ESRRG: variants seen among roughly 807,000 people sequenced by gnomAD.
ESRRG encodes the protein estrogen-related receptor gamma.
A neutral mutation model predicts 44.0 loss-of-function variants in ESRRG; 13 were observed. The observed-to-expected ratio is 0.30, with a 90% CI of 0.19 to 0.47. The LOEUF is 0.47. ESRRG is among the 20% of genes least tolerant of loss of function. The pLI, the probability that ESRRG is intolerant of heterozygous loss-of-function variation, is 1.00. For synonymous variants in ESRRG, 215 were observed against 214.6 expected (o/e 1.00, Z -0.02); for missense variants, 395 against 580.6 (o/e 0.68, Z 3.29).
upstream of ESRRG, among the ~76,000 whole-genome samples, chr1:216,726,190 C>T (rs977661133): frequency 6.6e-6 from 1 of 152,116 alleles, no homozygotes; most frequent in Admixed American, 6.5e-5. Flanking sequence ...TCACTGAACT[C>T]GCTGCTTTCT....
In ESRRG at chr1:216,831,268, T is replaced by C. The variant is rs182751712; in HGVS notation, c.-14+108314A>G. ...AGCACCGATCAACTGTTAATTAAAA[T>C]AAAATGAAGCTTCTTAAACTTCATC... On this transcript the variant is annotated intron_variant, in intron 2 of 7. Coordinates refer to the ESRRG transcript ENST00000359162. Among the ~76,000 whole-genome samples, 5 of 152,236 alleles carry C rather than the reference T, an allele frequency of 3.3e-5. No individual in the cohort carries two copies. The East Asian group carries it at 9.7e-4, about 29-fold the overall frequency.
intron 2 of ESRRG, among the ~76,000 whole-genome samples, chr1:216,730,053 A>G (rs951794739): frequency 6.6e-6 from 1 of 152,154 alleles, no homozygotes; most frequent in Non-Finnish European, 1.5e-5. Flanking sequence ...AACCCAGGTT[A>G]CATACCTAGG....
intron 1 of ESRRG, among the ~76,000 whole-genome samples, chr1:217,026,059 A>C (rs1314482236): frequency 6.6e-6 from 1 of 152,202 alleles, no homozygotes; most frequent in Non-Finnish European, 1.5e-5. Flanking sequence ...TTATCCACTG[A>C]GGTCACCCGT....
At chr1:216,845,114 C>T (rs2095720328) in intron 2 of ESRRG, among the ~76,000 whole-genome samples, 1 of 152,070 alleles carries the variant, frequency 6.6e-6, no homozygotes, top group African/African-American at 2.4e-5. Context: ...ATCTGAAATA[C>T]CAATGTACGT....
chr1:216,830,611 G>A (rs1431466360), intron 2 of ESRRG, among the ~76,000 whole-genome samples: 1 of 152,120 alleles, frequency 6.6e-6, no homozygotes, highest in African/African-American at 2.4e-5. Flanking sequence ...GTTGTAAGAT[G>A]CAGGATCTTG....
intron 1 of ESRRG, among the ~76,000 whole-genome samples, chr1:216,963,910 ACTGAC>A (rs1476979974): frequency 2.0e-5 from 3 of 152,204 alleles, no homozygotes; most frequent in African/African-American, 7.2e-5. Context: ...CAGAGATTTG[ACTGAC>A]AGACAGAAGC....
intron 2 of ESRRG, among the ~76,000 whole-genome samples, chr1:216,922,437 A>C (rs1484682587): frequency 6.6e-6 from 1 of 152,132 alleles, no homozygotes; most frequent in African/African-American, 2.4e-5. Flanking sequence ...TCCTGGGGAA[A>C]TCTAAGGATC....
chr1:217,046,833 T>C (rs1403005494), intron 1 of ESRRG, among the ~76,000 whole-genome samples: 3 of 151,876 alleles, frequency 2.0e-5, no homozygotes, highest in Admixed American at 6.6e-5. Flanking sequence ...CAATGAGCCA[T>C]AATTATGCCA....
At chr1:216,878,795 T>C (rs1380047351) in intron 2 of ESRRG, among the ~76,000 whole-genome samples, 1 of 152,202 alleles carries the variant, frequency 6.6e-6, no homozygotes, top group African/African-American at 2.4e-5. Context: ...CTGTTCAAAA[T>C]ACTAAAAAAT....
At chr1:217,081,183 G>A (rs999295845) in intron 1 of ESRRG, among the ~76,000 whole-genome samples, 1 of 139,122 alleles carries the variant, frequency 7.2e-6, no homozygotes, top group East Asian at 2.2e-4. Flanking sequence ...TGGAAGGGTT[G>A]ATTAGATATT....
intron 2 of ESRRG, among the ~76,000 whole-genome samples, chr1:216,814,580 T>G (rs1327407003): frequency 6.6e-6 from 1 of 152,250 alleles, no homozygotes; most frequent in Non-Finnish European, 1.5e-5. Flanking sequence ...TAAATGTTTT[T>G]TAACCTAACC....
At chr1:217,042,615 G>T (rs2084090895) in intron 1 of ESRRG, among the ~76,000 whole-genome samples, 1 of 151,688 alleles carries the variant, frequency 6.6e-6, no homozygotes, top group Non-Finnish European at 1.5e-5. Flanking sequence ...TGCCCCACAG[G>T]CCCATTCTAA....
chr1:217,008,765 A>G (rs1300489513), intron 1 of ESRRG, among the ~76,000 whole-genome samples: 1 of 152,158 alleles, frequency 6.6e-6, no homozygotes, highest in Non-Finnish European at 1.5e-5. Context: ...AGGGTTTTGC[A>G]CTGTGATTGA....
intron 3 of ESRRG, among the ~76,000 whole-genome samples, chr1:216,633,741 CCTGT>C (rs2064719210): frequency 6.6e-6 from 1 of 152,120 alleles, no homozygotes; most frequent in Non-Finnish European, 1.5e-5. Flanking sequence ...AACTGACATT[CCTGT>C]CAATTATTTT....
intron 2 of ESRRG, among the ~76,000 whole-genome samples, chr1:216,819,453 T>C (rs1378732300): frequency 6.6e-6 from 1 of 152,220 alleles, no homozygotes; most frequent in East Asian, 1.9e-4. Context: ...TTTGTGCTAA[T>C]GTTAACAGCA....
At chr1:217,118,268 A>T (rs976477555) in intron 1 of ESRRG, among the ~76,000 whole-genome samples, 2 of 152,158 alleles carry the variant, frequency 1.3e-5, no homozygotes, top group Admixed American at 6.5e-5. Flanking sequence ...GCTCTTAACC[A>T]CTCTACTAAA....
intron 2 of ESRRG, among the ~76,000 whole-genome samples, chr1:216,918,518 T>A (rs897729251): frequency 9.9e-5 from 15 of 152,172 alleles, no homozygotes; most frequent in African/African-American, 3.6e-4. Flanking sequence ...GATATATACA[T>A]GCTCAGCTTA....
chr1:216,658,845 TA>T (rs1574902130), intron 2 of ESRRG, among the ~76,000 whole-genome samples: 1 of 95,096 alleles, frequency 1.1e-5, no homozygotes, highest in East Asian at 2.9e-4. Flanking sequence ...AAAAAGAAAG[TA>T]AAAGAAGAGA....
intron 2 of ESRRG, among the ~76,000 whole-genome samples, chr1:216,920,339 AG>A (rs374915966): frequency 8.3e-4 from 126 of 152,068 alleles, no homozygotes; most frequent in African/African-American, 2.8e-3. Flanking sequence ...ATTACAAAGA[AG>A]ACCTAGAAAA....
Sources: allele counts gnomAD v4.1 joint callset (sites outside exome capture counted in the v4.1 genomes callset), GRCh38; gene constraint gnomAD v4.1.1; transcripts MANE v1.5; gene names NCBI Gene and HGNC (gene_info 2026-07-23, HGNC 2026-07-21).